CSF2RA: variants seen among roughly 807,000 people sequenced by gnomAD.
CSF2RA encodes the protein colony stimulating factor 2 receptor subunit alpha.
A neutral mutation model predicts 51.6 loss-of-function variants in CSF2RA; 42 were observed. The observed-to-expected ratio is 0.81, with a 90% CI of 0.64 to 1.05. The LOEUF (loss-of-function observed/expected upper bound fraction) is 1.05. Among genes scored for constraint, CSF2RA ranks in the 50% least tolerant of loss-of-function variants. The pLI is 0.00. For missense variants in CSF2RA, 530 were observed against 501.1 expected (o/e 1.06, Z -0.55); for synonymous variants, 222 against 193.0 (o/e 1.15, Z -1.24).
intron 10 of CSF2RA, 97 bp from the exon 11 acceptor site, chrX:1,303,826 C>A (rs2083263514): frequency 9.4e-7 from 1 of 1,069,412 alleles, no homozygotes; most frequent in Non-Finnish European, 1.5e-6. Context: ...TGACTGTTCC[C>A]TTTGGCTAAA....
chrX:1,284,951 G>C (rs1197696861), intron 3 of CSF2RA, among the ~76,000 whole-genome samples: 3 of 152,022 alleles, frequency 2.0e-5, no homozygotes, highest in South Asian at 2.1e-4. Flanking sequence ...GCAGGCATGA[G>C]CCACCGCGCC....
In CSF2RA at chrX:1,290,525, A is replaced by G; in HGVS notation, c.646+16A>G. The G allele has an allele frequency of 6.2e-7, 1 of 1,611,500 alleles. No individual in the cohort carries two copies. The highest frequency in any genetic ancestry group is 8.5e-7 in the Non-Finnish European group (1 of 1,177,630). ...AAGAAAATAGGTGAGAATAACACATATGATTTTCCTATTGTTTATAGGTGA... is the reference window on the plus strand; with the variant it reads ...AAGAAAATAGGTGAGAATAACACATGTGATTTTCCTATTGTTTATAGGTGA... On this transcript the variant is annotated intron_variant, in intron 7 of 12. Coordinates refer to ENST00000381529, the MANE Select transcript of CSF2RA (RefSeq NM_172245.4).
chrX:1,285,389 G>A (rs1370350061), intron 3 of CSF2RA, among the ~76,000 whole-genome samples: 2 of 151,976 alleles, frequency 1.3e-5, no homozygotes, highest in Non-Finnish European at 2.9e-5. Context: ...CCAGAGCCGG[G>A]TGGGAGGACA....
intron 12 of CSF2RA, among the ~76,000 whole-genome samples, chrX:1,308,154 T>C (rs1463778627): frequency 6.6e-6 from 1 of 152,154 alleles, no homozygotes; most frequent in Non-Finnish European, 1.5e-5. Flanking sequence ...CAGCTGATTG[T>C]GGACTTGACA....
In CSF2RA at chrX:1,309,530, G is replaced by C. The variant is rs143398916; in HGVS notation, c.*51G>C. On this transcript the variant is annotated 3_prime_UTR_variant, in exon 13 of 13. Transcript: ENST00000381529. The stretch of plus-strand genomic sequence containing the variant: ...GGACATCTCCGCCTCCGCGACACGG[G>C]GGAACTGTTTTCTTGATGATGCTGT... 6.2e-7 allele frequency: 1 copy of C among 1,613,972 alleles called. No homozygotes were observed. The highest frequency in any genetic ancestry group is 8.5e-7 in the Non-Finnish European group (1 of 1,179,868).
At position 1,288,743 on chromosome X, in the gene CSF2RA, T is replaced by C. The variant is rs780971815; in HGVS notation, c.344-16T>C. On this transcript the variant is annotated splice_polypyrimidine_tract_variant and intron_variant, in intron 5 of 12. Transcript: ENST00000381529. ...AACTTCGGAGTGAAAATTATTTTGT[T>C]TCTACCTCTTCCCAGGAAGGGAGGG... The C allele has an allele frequency of 6.2e-7, 1 of 1,613,928 alleles. No individual in the cohort carries two copies. The highest frequency in any genetic ancestry group is 2.2e-5 in the East Asian group (1 of 44,882).
At chrX:1,317,199 C>T in the CSF2RA span, among the ~76,000 whole-genome samples, 15 of 148,350 alleles carry the variant, frequency 1.0e-4, no homozygotes, top group African/African-American at 2.5e-4. Context: ...CTGCCTGCCT[C>T]GGCCTCCCAA....
intron 9 of CSF2RA, among the ~76,000 whole-genome samples, chrX:1,296,011 C>T (rs1182675046): frequency 1.3e-5 from 2 of 150,824 alleles, no homozygotes; most frequent in African/African-American, 4.9e-5. Context: ...CAGTCTCCTA[C>T]TCACGACGCC....
intron 1 of CSF2RA, among the ~76,000 whole-genome samples, chrX:1,272,813 CTTTCTTTT>C (rs1337103444): frequency 2.3e-5 from 2 of 88,094 alleles, no homozygotes; most frequent in Non-Finnish European, 4.5e-5. Flanking sequence ...TTTTTTTTTT[CTTTCTTTT>C]TTTCTTTTTT....
chrX:1,286,385 A>G (rs1181548767), intron 4 of CSF2RA, among the ~76,000 whole-genome samples: 4 of 152,098 alleles, frequency 2.6e-5, no homozygotes, highest in Non-Finnish European at 4.4e-5. Context: ...GCTGACCAAC[A>G]TGGTGAAACC....
intron 4 of CSF2RA, among the ~76,000 whole-genome samples, chrX:1,287,652 C>T (rs1282211135): frequency 1.4e-5 from 2 of 140,314 alleles, no homozygotes; most frequent in African/African-American, 2.7e-5. Context: ...CCATGTTGGC[C>T]AGGCTGATCT....
chrX:1,294,131 C>T, intron 7 of CSF2RA, 197 bp from the exon 8 acceptor site: 2 of 722,448 alleles, frequency 2.8e-6, no homozygotes, highest in South Asian at 1.6e-5. Flanking sequence ...GGAGACCCTG[C>T]CCCATCTCCA....
chrX:1,281,955 GGAGGCC>G (rs1436349580), intron 2 of CSF2RA: 10 of 148,402 alleles, frequency 6.7e-5, no homozygotes, highest in African/African-American at 2.2e-4. Context: ...CAGCACTTTG[GGAGGCC>G]GAGGCAGGTG....
At chrX:1,270,485 T>G (rs189745068) in intron 1 of CSF2RA, among the ~76,000 whole-genome samples, 28,909 of 151,930 alleles carry the variant, frequency 0.19, 3,226 homozygotes, top group East Asian at 0.3. Flanking sequence ...TCTATCTTCC[T>G]GCCCCAGCCT....
chrX:1,306,889 CAGAG>C (rs1361551202), intron 12 of CSF2RA, among the ~76,000 whole-genome samples: 1 of 147,982 alleles, frequency 6.8e-6, no homozygotes, highest in African/African-American at 2.5e-5. Context: ...CAGAAAGAGA[CAGAG>C]AGCAAGGGAT....
the CSF2RA span, among the ~76,000 whole-genome samples, chrX:1,316,532 G>A: frequency 6.6e-6 from 1 of 152,136 alleles, no homozygotes; most frequent in Non-Finnish European, 1.5e-5. Context: ...CTTCCCTTTG[G>A]GTAAGGCTAG....
intron 1 of CSF2RA, among the ~76,000 whole-genome samples, chrX:1,270,933 T>C: frequency 6.6e-6 from 1 of 150,468 alleles, no homozygotes; most frequent in African/African-American, 2.5e-5. Flanking sequence ...TCCCAATATT[T>C]TGGAAGGCTG....
At chrX:1,317,253 T>TATTTTTATTTTA in the CSF2RA span, among the ~76,000 whole-genome samples, 1 of 131,350 alleles carries the variant, frequency 7.6e-6, no homozygotes, top group African/African-American at 2.9e-5. Context: ...CAGCTTTTTT[T>TATTTTTATTTTA]TTTTTTTTTT....
chrX:1,300,451 C>A (rs2092293803), intron 9 of CSF2RA, 40 bp from the exon 10 acceptor site: 1 of 1,613,138 alleles, frequency 6.2e-7, no homozygotes, highest in African/African-American at 1.3e-5. Context: ...TTCCTCCACA[C>A]AGAAGACGCC....
Sources: allele counts gnomAD v4.1 joint callset (sites outside exome capture counted in the v4.1 genomes callset), GRCh38; gene constraint gnomAD v4.1.1; transcripts MANE v1.5; gene names NCBI Gene and HGNC (gene_info 2026-07-23, HGNC 2026-07-21).